Variants in MBP observed in about 807,000 individuals in gnomAD.
MBP encodes myelin basic protein.
A neutral mutation model predicts 35.8 loss-of-function variants in MBP; 16 were observed. That is an observed-to-expected ratio of 0.45 (90% CI 0.30 to 0.68). The LOEUF (loss-of-function observed/expected upper bound fraction) is 0.68, where lower values mean the gene tolerates loss of function less well. MBP is among the 30% of genes least tolerant of loss of function. The pLI, the probability that MBP is intolerant of heterozygous loss-of-function variation, is 0.08. For synonymous variants in MBP, 143 were observed against 159.6 expected (o/e 0.90, Z 0.78); for missense variants, 380 against 404.7 (o/e 0.94, Z 0.52).
At chr18:77,015,629 G>A (rs1465506003) in intron 4 of MBP, 2 of 985,158 alleles carry the variant, frequency 2.0e-6, no homozygotes, top group Non-Finnish European at 2.4e-6. Context: ...AACTCAGACA[G>A]ATGGTAGAGA....
chr18:76,986,074 G>A (rs987434812), intron 7 of MBP: 16 of 985,538 alleles, frequency 1.6e-5, no homozygotes, highest in Non-Finnish European at 1.8e-5. Context: ...GTCTGGGCGC[G>A]GTGGACGTTA....
At chr18:77,086,383 G>C (rs1007520254) in intron 2 of MBP, among the ~76,000 whole-genome samples, 3 of 152,218 alleles carry the variant, frequency 2.0e-5, no homozygotes, top group Non-Finnish European at 4.4e-5. Context: ...TCATTTTCAA[G>C]AGTCTAAACA....
Position 76,999,990 on chromosome 18 carries a change from G to A in MBP, c.577-9930C>T, listed in dbSNP as rs562085544. On this transcript the variant is annotated intron_variant, in intron 4 of 8. Coordinates refer to ENST00000355994, the MANE Select transcript of MBP (RefSeq NM_001025101.2). ...TAAAAGAAGAAATGGACACAGGGCC[G>A]CACCTTGTGATGTAGACTCAGATGC... is the stretch of plus-strand genomic sequence containing the variant. 5.0e-4 allele frequency among the ~76,000 whole-genome samples: 76 copies of A among 152,240 alleles called. 1 individual carries two copies. In the South Asian group the frequency reaches 0.014, roughly 27 times the overall value.
chr18:77,037,983 A>G (rs532125919), intron 3 of MBP, among the ~76,000 whole-genome samples: 1 of 152,354 alleles, frequency 6.6e-6, no homozygotes, highest in East Asian at 1.9e-4. Context: ...TGATAAGGCA[A>G]TCGATATTAA....
At chr18:77,085,488 G>A (rs1010324000) in intron 2 of MBP, among the ~76,000 whole-genome samples, 2 of 152,048 alleles carry the variant, frequency 1.3e-5, no homozygotes, top group African/African-American at 2.4e-5. Flanking sequence ...ATGATCTCAT[G>A]GCCCTTTTAG....
chr18:76,988,931 C>A lies in MBP; in HGVS notation c.682-19G>T. On this transcript the variant is annotated intron_variant, in intron 5 of 8. Transcript: ENST00000355994. The surrounding 1 kb of genome is among the most constrained non-coding windows in gnomAD (Gnocchi z 5.2). ...GCGTCACCTGGAAAGACACAGAGAACCGTGGGCTGCACTGGGAGCCCTGTG... is the reference window on the plus strand; with the variant it reads ...GCGTCACCTGGAAAGACACAGAGAAACGTGGGCTGCACTGGGAGCCCTGTG... 6.2e-7 allele frequency: 1 copy of A among 1,613,762 alleles called. No homozygotes were observed. Among genetic ancestry groups the A allele is most frequent in the Non-Finnish European group, 8.5e-7 (1 of 1,179,690 alleles).
chr18:76,996,533 G>A lies in MBP; in HGVS notation c.577-6473C>T, dbSNP rs149322773. On this transcript the variant is annotated intron_variant, in intron 4 of 8. Coordinates refer to ENST00000355994, the MANE Select transcript of MBP (RefSeq NM_001025101.2). Reference sequence around the variant, plus strand: ...GTGCTGTATCCAGGCATGAAATACTGTTCGGCAATAAAAATACAAACTCTT... The same window carrying A: ...GTGCTGTATCCAGGCATGAAATACTATTCGGCAATAAAAATACAAACTCTT... 4.8e-4 allele frequency among the ~76,000 whole-genome samples: 73 copies of A among 152,322 alleles called. No homozygotes were observed. The Middle Eastern group carries it at 0.01, about 21-fold the overall frequency.
intron 4 of MBP, among the ~76,000 whole-genome samples, chr18:76,993,381 C>G (rs201125972): frequency 4.6e-5 from 7 of 151,642 alleles, no homozygotes; most frequent in African/African-American, 7.3e-5. Context: ...GGTGAAACCC[C>G]TCTCTACTAA....
At position 77,131,075 on chromosome 18, in the gene MBP, GCACGCACGCGCACACACACACACACACA is replaced by G. The variant is rs1568354824; in HGVS notation, c.-26+1477_-26+1504del. On this transcript the variant is annotated intron_variant, in intron 1 of 8. Coordinates refer to ENST00000355994, the MANE Select transcript of MBP (RefSeq NM_001025101.2). This position sits in a 1 kb window ranked among gnomAD's most constrained non-coding sequence, Gnocchi z 5.5. ...CAAAAAACAAAACACACACACGCGC[GCACGCACGCGCACACACACACACACACA>G]CACACACACACACACACCCCCTCTG... Among the ~76,000 whole-genome samples the G allele has an allele frequency of 2.0e-4, 4 of 19,746 alleles. No homozygotes were observed. The highest frequency in any genetic ancestry group is 4.5e-4 in the African/African-American group (4 of 8,892). The allele number at this position is 19,746 out of a possible 152,430, so 13.0% of individuals were successfully genotyped here.
chr18:77,030,893 T>C (rs1972514907), intron 3 of MBP, among the ~76,000 whole-genome samples: 1 of 152,192 alleles, frequency 6.6e-6, no homozygotes. Flanking sequence ...GGACCAGTTG[T>C]CACTGCAAAA....
At chr18:77,084,009 GTTT>G (rs33974021) in intron 2 of MBP, among the ~76,000 whole-genome samples, 16 of 151,302 alleles carry the variant, frequency 1.1e-4, no homozygotes, top group Middle Eastern at 6.8e-3. Context: ...CAATAAAGCT[GTTT>G]TTTTTTTTAA....
chr18:77,081,854 A>AT (rs1426887019), intron 2 of MBP, among the ~76,000 whole-genome samples: 5 of 15,082 alleles, frequency 3.3e-4, no homozygotes, highest in Non-Finnish European at 5.3e-4. Flanking sequence ...ATATATATAT[A>AT]TATTTTTTTT....
At chr18:77,049,270 C>T (rs369447988) in intron 3 of MBP, among the ~76,000 whole-genome samples, 19 of 152,206 alleles carry the variant, frequency 1.2e-4, no homozygotes, top group African/African-American at 3.9e-4. Flanking sequence ...CTGCCTGACG[C>T]GGTTTCTGGG....
chr18:77,043,094 T>A (rs1973082905), intron 3 of MBP, among the ~76,000 whole-genome samples: 2 of 152,220 alleles, frequency 1.3e-5, no homozygotes, highest in South Asian at 2.1e-4. Context: ...TTTATCATGA[T>A]CACAGAATCA....
At chr18:77,097,437 A>T (rs562857155) in intron 2 of MBP, 1 of 152,022 alleles carries the variant, frequency 6.6e-6, no homozygotes, top group African/African-American at 2.4e-5. Context: ...TGCCACTGAC[A>T]CTCTTTTCCG....
intron 2 of MBP, among the ~76,000 whole-genome samples, chr18:77,069,328 T>G (rs141153323): frequency 4.6e-5 from 7 of 152,366 alleles, no homozygotes; most frequent in African/African-American, 1.7e-4. Context: ...TTCCCGATAG[T>G]CTTTCCTCAG....
At chr18:77,052,874 TG>T (rs752872819) in intron 3 of MBP, among the ~76,000 whole-genome samples, 11 of 152,020 alleles carry the variant, frequency 7.2e-5, no homozygotes, top group Admixed American at 4.6e-4. Context: ...ACCCCCCGGG[TG>T]GACTTCAGGG....
rs927276599 is a variant in MBP, at chr18:76,989,075, A to C, written c.682-163T>G. The C allele has an allele frequency of 2.1e-5, 16 of 747,902 alleles. No homozygotes were observed. Among genetic ancestry groups the C allele is most frequent in the Middle Eastern group, 5.1e-4 (2 of 3,890 alleles). The allele number at this position is 747,902 out of a possible 1,614,324, so 46.3% of individuals were successfully genotyped here. A position where few individuals can be genotyped will look rare whatever the true frequency, so the allele number is the denominator to read the frequency against. ...TGTCCTAGTTGGTGAAGAAGTATAG[A>C]CCTGAGATTGAAAATATTCTAGATG... On this transcript the variant is annotated intron_variant, in intron 5 of 8. Transcript: ENST00000355994. This position sits in a 1 kb window ranked among gnomAD's most constrained non-coding sequence, Gnocchi z 4.0.
At chr18:77,043,780 G>C (rs182918314) in intron 3 of MBP, among the ~76,000 whole-genome samples, 16 of 152,304 alleles carry the variant, frequency 1.1e-4, no homozygotes, top group Admixed American at 1.3e-4. Context: ...GGAGTTGAGT[G>C]AGAAAGGGAT....
Sources: gnomAD v4.1 joint callset for allele counts (sites outside exome capture counted in the v4.1 genomes callset) on GRCh38, gnomAD v4.1.1 for gene constraint, Gnocchi (gnomAD v3.1) non-coding constraint, MANE v1.5 for transcripts, NCBI Gene and HGNC (gene_info 2026-07-23, HGNC 2026-07-21) for gene names.